KCTD15: variants seen among roughly 807,000 people sequenced by gnomAD.
KCTD15 encodes the protein BTB/POZ domain-containing protein KCTD15.
KCTD15 carries 11 observed loss-of-function variants against 27.2 expected under a neutral mutation model. That is an observed-to-expected ratio of 0.41 (90% CI 0.25 to 0.67). The LOEUF (loss-of-function observed/expected upper bound fraction) is 0.67. Ranked by LOEUF, KCTD15 falls within the 30% of genes least tolerant of loss-of-function variation. The probability of loss-of-function intolerance (pLI) is 0.35; values close to 1 mark genes in which losing one functional copy is unlikely to be tolerated. For missense variants in KCTD15, 350 were observed against 409.3 expected (o/e 0.86, Z 1.25); for synonymous variants, 163 against 176.0 (o/e 0.93, Z 0.58).
intron 6 of KCTD15, 22 bp downstream of exon 6, chr19:33,811,574 C>T (rs1329064535): frequency 1.9e-6 from 3 of 1,571,568 alleles, no homozygotes; most frequent in Non-Finnish European, 2.6e-6. Context: ...ACGCTGCCCC[C>T]TCCCCGCCGC....
rs1324266844 is a variant in KCTD15 at position 33,796,962 on chromosome 19, C to G, written c.-152C>G. On this transcript the variant is annotated 5_prime_UTR_variant, in exon 1 of 7. Transcript: ENST00000683859. ...GCAGCTGCGTGGGGCGGGGGCTGCG[C>G]CCGAGCCCGATCTGCCGGCTCCGAG... 2.4e-5 allele frequency: 3 copies of G among 124,832 alleles called. No homozygotes were observed. The highest frequency in any genetic ancestry group is 8.7e-5 in the African/African-American group (3 of 34,398). 7.7% of individuals were successfully genotyped at this position (124,832 alleles called of 1,614,324 possible). A position where few individuals can be genotyped will look rare whatever the true frequency, so the allele number is the denominator to read the frequency against.
In KCTD15 at chr19:33,812,975, C is replaced by G; in HGVS notation, c.*27C>G. 6.6e-7 allele frequency: 1 copy of G among 1,521,064 alleles called. No individual in the cohort carries two copies. Among genetic ancestry groups the G allele is most frequent in the Non-Finnish European group, 8.8e-7 (1 of 1,134,198 alleles). The allele number at this position is 1,521,064 out of a possible 1,614,324, so 94.2% of individuals were successfully genotyped here. On this transcript the variant is annotated 3_prime_UTR_variant, in exon 7 of 7. Transcript: ENST00000683859. ...CCCTGCTTCAGTGCCCACCTGGGCC[C>G]CCCCAGGGACCTGGAAACAGTGCTG...
upstream of KCTD15, among the ~76,000 whole-genome samples, chr19:33,794,376 T>C (rs1975261737): frequency 6.6e-6 from 1 of 152,260 alleles, no homozygotes; most frequent in South Asian, 2.1e-4. Context: ...TGAATACCCA[T>C]ACTAATCACA....
intron 4 of KCTD15, among the ~76,000 whole-genome samples, chr19:33,803,180 G>T (rs1466872680): frequency 2.0e-5 from 3 of 152,204 alleles, no homozygotes; most frequent in Non-Finnish European, 1.5e-5. Flanking sequence ...CTGCTGTGGG[G>T]GTGCTCTGTA....
intron 4 of KCTD15, among the ~76,000 whole-genome samples, chr19:33,803,367 G>GA (rs934791412): frequency 3.3e-5 from 5 of 152,178 alleles, no homozygotes; most frequent in East Asian, 1.9e-4. Context: ...ACCAATTCTG[G>GA]AAAAAATCAA....
At chr19:33,796,746 A>C (rs1219343435), upstream of KCTD15, 1 of 105,188 alleles carries the variant, frequency 9.5e-6, no homozygotes. Flanking sequence ...AGAGGGGAGG[A>C]GGCGAGGGGA....
rs992468082 is a variant in KCTD15 at position 33,801,304 on chromosome 19, C to T, written c.204C>T (p.Thr68=). The T allele has an allele frequency of 4.6e-5, 74 of 1,612,440 alleles. No individual in the cohort carries two copies. The highest frequency in any genetic ancestry group is 6.1e-5 in the Non-Finnish European group (72 of 1,179,352). ...VHIDVGGHMY[T]SSLATLTKYP... ...TCGATGTGGGCGGCCACATGTACAC[C>T]AGCAGCCTGGCCACGCTCACCAAGT... Residue 68 remains threonine (T), a synonymous_variant, in exon 4 of 7, where the codon ACC becomes ACT. Transcript: ENST00000683859.
At chr19:33,808,528 G>A (rs967004650) in intron 5 of KCTD15, among the ~76,000 whole-genome samples, 9 of 152,178 alleles carry the variant, frequency 5.9e-5, no homozygotes, top group East Asian at 5.8e-4. Context: ...TGTCAAGCCT[G>A]GAGCTTTATG....
At chr19:33,805,126 T>C (rs1203991970) in intron 4 of KCTD15, among the ~76,000 whole-genome samples, 1 of 152,172 alleles carries the variant, frequency 6.6e-6, no homozygotes, top group Non-Finnish European at 1.5e-5. Context: ...TCTTGCTGCG[T>C]TGCCTAGGCT....
chr19:33,814,655 A>G lies in KCTD15; in HGVS notation c.*1707A>G, dbSNP rs1976040637. On this transcript the variant is annotated 3_prime_UTR_variant, in exon 7 of 7. Transcript: ENST00000683859. Reference sequence around the variant, plus strand: ...GCAGTGGCTCAGCCAGCCAGGGGGCACCAAGTCATGCAGCCAGCGTGAGAC... The same window carrying G: ...GCAGTGGCTCAGCCAGCCAGGGGGCGCCAAGTCATGCAGCCAGCGTGAGAC... 1 of 152,220 alleles carries G rather than the reference A, an allele frequency of 6.6e-6. No homozygotes were observed. The highest frequency in any genetic ancestry group is 6.6e-5 in the Admixed American group (1 of 15,262). 9.4% of individuals were successfully genotyped at this position (152,220 alleles called of 1,614,324 possible).
chr19:33,797,352 C>A (rs1975369160), intron 1 of KCTD15: 7 of 451,274 alleles, frequency 1.6e-5, no homozygotes, highest in South Asian at 1.1e-4. Context: ...GAGCGCCCTG[C>A]AGAGCTGGCG....
At chr19:33,798,099 T>G (rs945061138) in intron 1 of KCTD15, among the ~76,000 whole-genome samples, 49 of 148,580 alleles carry the variant, frequency 3.3e-4, no homozygotes, top group African/African-American at 7.2e-4. Flanking sequence ...AGGGGGGGGG[T>G]GGGGAGGCTG....
intron 5 of KCTD15, among the ~76,000 whole-genome samples, chr19:33,809,771 T>C (rs1378702905): frequency 6.6e-6 from 1 of 152,158 alleles, no homozygotes; most frequent in Non-Finnish European, 1.5e-5. Context: ...CTCGGGAGGC[T>C]GAGTCAGGAG....
intron 3 of KCTD15, 84 bp from the exon 4 acceptor site, chr19:33,801,083 T>C: frequency 7.7e-7 from 1 of 1,304,606 alleles, no homozygotes; most frequent in Non-Finnish European, 1.1e-6. Flanking sequence ...ACACTCTCAA[T>C]AAAGGGAGTG....
intron 3 of KCTD15, among the ~76,000 whole-genome samples, chr19:33,800,852 G>A (rs1360448798): frequency 6.6e-6 from 1 of 152,150 alleles, no homozygotes; most frequent in South Asian, 2.1e-4. Flanking sequence ...ATAAGCCCAC[G>A]ACCTTTAATT....
intron 4 of KCTD15, chr19:33,801,895 G>A (rs1380884655): frequency 1.3e-5 from 2 of 152,342 alleles, no homozygotes; most frequent in African/African-American, 2.4e-5. Context: ...CTAGCAGCAG[G>A]CTTCCCTTGG....
Position 33,809,723 on chromosome 19 carries a change from T to TATC in KCTD15, c.388-1523_388-1521dup, listed in dbSNP as rs576167457. Among the ~76,000 whole-genome samples the TATC allele has an allele frequency of 1.2e-4, 19 of 152,204 alleles. No homozygotes were observed. The South Asian group carries it at 3.7e-3, about 30-fold the overall frequency. ...TAATTATTATTGTTATTATTATTAT[T>TATC]ATCCTGGCATGATGGCTCATGCCTG... is the stretch of plus-strand genomic sequence containing the variant. On this transcript the variant is annotated intron_variant, in intron 5 of 6. Coordinates refer to ENST00000683859, the MANE Select transcript of KCTD15 (RefSeq NM_001129994.2).
chr19:33,807,301 C>A (rs1476666675), intron 5 of KCTD15, among the ~76,000 whole-genome samples: 1 of 152,226 alleles, frequency 6.6e-6, no homozygotes, highest in Non-Finnish European at 1.5e-5. Flanking sequence ...TAAATCTGTT[C>A]CATCGGCTGG....
chr19:33,809,745 CCTGTAGTCTCAG>C (rs1453367301), intron 5 of KCTD15, among the ~76,000 whole-genome samples: 1 of 152,094 alleles, frequency 6.6e-6, no homozygotes, highest in Admixed American at 6.5e-5. Flanking sequence ...ATGGCTCATG[CCTGTAGTCTCAG>C]CTGCTCGGGA....
Sources: gnomAD v4.1 joint callset for allele counts (sites outside exome capture counted in the v4.1 genomes callset) on GRCh38, gnomAD v4.1.1 for gene constraint, MANE v1.5 for transcripts, NCBI Gene and HGNC (gene_info 2026-07-23, HGNC 2026-07-21) for gene names.